Variants in RPS6KA2 observed in about 807,000 individuals in gnomAD.
RPS6KA2 encodes ribosomal protein S6 kinase A2, also known as ribosomal protein S6 kinase alpha-2.
Under a neutral mutation model 91.8 loss-of-function variants are expected in RPS6KA2, and 42 were observed. That is an observed-to-expected ratio of 0.46 (90% confidence interval 0.36 to 0.59). The LOEUF (loss-of-function observed/expected upper bound fraction) is 0.59. Ranked by LOEUF, RPS6KA2 falls within the 20% of genes least tolerant of loss-of-function variation. RPS6KA2 has a pLI of 0.00. For synonymous variants in RPS6KA2, 414 were observed against 393.6 expected, an observed-to-expected ratio of 1.05 and a Z score of -0.61; for missense variants, 798 against 978.5, an observed-to-expected ratio of 0.82 and a Z score of 2.46.
intron 20 of RPS6KA2, among the ~76,000 whole-genome samples, chr6:166,413,456 G>A (rs1778388440): frequency 6.6e-6 from 1 of 152,184 alleles, no homozygotes; most frequent in Admixed American, 6.5e-5. Flanking sequence ...CAGAGGATGG[G>A]GTGCCTGAGA....
chr6:166,550,810 G>A (rs1249448885), intron 1 of RPS6KA2, among the ~76,000 whole-genome samples: 5 of 151,976 alleles, frequency 3.3e-5, no homozygotes, highest in Non-Finnish European at 7.4e-5. Context: ...ACACCATCCT[G>A]GCTAACACGG....
intron 16 of RPS6KA2, among the ~76,000 whole-genome samples, chr6:166,428,862 G>A (rs1407860049): frequency 1.3e-5 from 2 of 150,638 alleles, no homozygotes; most frequent in Non-Finnish European, 1.5e-5. Context: ...TTCAACCATT[G>A]TGGAAGTCAG....
intron 1 of RPS6KA2, among the ~76,000 whole-genome samples, chr6:166,550,826 C>T (rs1045346218): frequency 1.3e-5 from 2 of 151,882 alleles, no homozygotes; most frequent in Non-Finnish European, 2.9e-5. Context: ...CACGGTGAAA[C>T]CCCGTCTCTA....
intron 2 of RPS6KA2, among the ~76,000 whole-genome samples, chr6:166,800,703 T>C (rs530566579): frequency 1.1e-4 from 16 of 152,278 alleles, no homozygotes; most frequent in Non-Finnish European, 2.4e-4. Context: ...AGTCACCTGG[T>C]CTAGGGTATT....
intron 10 of RPS6KA2, among the ~76,000 whole-genome samples, chr6:166,482,831 A>G (rs1275974059): frequency 6.6e-6 from 1 of 152,234 alleles, no homozygotes; most frequent in East Asian, 1.9e-4. Context: ...GGAGAGAGAC[A>G]TCACATCCTA....
chr6:166,561,301 C>A (rs1276169792), intron 1 of RPS6KA2, among the ~76,000 whole-genome samples: 2 of 152,076 alleles, frequency 1.3e-5, no homozygotes, highest in Admixed American at 1.3e-4. Context: ...GACCCTGTGC[C>A]CAGCTCAAGG....
chr6:166,532,091 C>A (rs1307157764), intron 2 of RPS6KA2, among the ~76,000 whole-genome samples: 1 of 152,218 alleles, frequency 6.6e-6, no homozygotes, highest in African/African-American at 2.4e-5. Context: ...GCACACGGTG[C>A]ACTGGTGTGG....
chr6:166,605,111 A>G (rs568386942), intron 1 of RPS6KA2, among the ~76,000 whole-genome samples: 5 of 152,148 alleles, frequency 3.3e-5, no homozygotes, highest in Admixed American at 6.5e-5. Context: ...ACTGCCTCCA[A>G]CCAGATTCTG....
chr6:166,534,271 AGT>A (rs1434550247), intron 2 of RPS6KA2, among the ~76,000 whole-genome samples: 1 of 146,962 alleles, frequency 6.8e-6, no homozygotes, highest in Non-Finnish European at 1.5e-5. Context: ...AAATTAGTTG[AGT>A]GTGGTGGTTG....
At chr6:166,691,293 G>C (rs914179700) in intron 2 of RPS6KA2, among the ~76,000 whole-genome samples, 4 of 152,026 alleles carry the variant, frequency 2.6e-5, no homozygotes, top group Non-Finnish European at 4.4e-5. Context: ...GCCAGGTTAG[G>C]CCCTCCTCAT....
At chr6:166,718,769 C>A (rs989460246) in intron 2 of RPS6KA2, among the ~76,000 whole-genome samples, 2 of 152,194 alleles carry the variant, frequency 1.3e-5, no homozygotes, top group Non-Finnish European at 2.9e-5. Flanking sequence ...ACTTTCAGAT[C>A]GGTTATGTCT....
At chr6:166,738,318 C>T (rs1254129587) in intron 2 of RPS6KA2, among the ~76,000 whole-genome samples, 2 of 152,174 alleles carry the variant, frequency 1.3e-5, no homozygotes, top group Non-Finnish European at 2.9e-5. Flanking sequence ...CAGTTGGTTA[C>T]CCAGTGGTCT....
At chr6:166,624,453 A>G (rs147320314) in intron 1 of RPS6KA2, among the ~76,000 whole-genome samples, 1 of 152,202 alleles carries the variant, frequency 6.6e-6, no homozygotes, top group Non-Finnish European at 1.5e-5. Flanking sequence ...TTCTTGGCCT[A>G]TAACCAGCTG....
At chr6:166,677,054 C>T (rs1158703450) in intron 2 of RPS6KA2, among the ~76,000 whole-genome samples, 1 of 152,166 alleles carries the variant, frequency 6.6e-6, no homozygotes, top group Non-Finnish European at 1.5e-5. Flanking sequence ...CCAGTATGCT[C>T]AATTCTACCA....
At chr6:166,629,596 T>A (rs1453531352), upstream of RPS6KA2, among the ~76,000 whole-genome samples, 1 of 152,166 alleles carries the variant, frequency 6.6e-6, no homozygotes, top group African/African-American at 2.4e-5. Flanking sequence ...CCACTAAATC[T>A]AGGGTAGGTA....
chr6:166,769,448 T>C (rs1048099519), intron 2 of RPS6KA2, among the ~76,000 whole-genome samples: 3 of 152,168 alleles, frequency 2.0e-5, no homozygotes, highest in African/African-American at 7.2e-5. Flanking sequence ...CCTTGTTTGC[T>C]GAGTTGATTT....
intron 2 of RPS6KA2, among the ~76,000 whole-genome samples, chr6:166,856,166 T>C (rs568100055): frequency 1.4e-4 from 21 of 152,320 alleles, no homozygotes; most frequent in Non-Finnish European, 2.8e-4. Flanking sequence ...GTCTAAATGT[T>C]TGTATTTCTC....
At chr6:166,534,516 C>T (rs954526969) in intron 2 of RPS6KA2, among the ~76,000 whole-genome samples, 6 of 152,116 alleles carry the variant, frequency 3.9e-5, no homozygotes, top group South Asian at 2.1e-4. Context: ...GAAGTACGAC[C>T]GTATAAACTC....
At position 166,771,220 on chromosome 6, in the gene RPS6KA2, C is replaced by T. The variant is rs566519739; in HGVS notation, c.123+86980G>A. ...CAACGGAAAGAAAGTCTCTTTCAAG[C>T]TCCATATGCACAGCATTTATCTTCC... On this transcript the variant is annotated intron_variant, in intron 2 of 21. Transcript: ENST00000503859. 3.9e-5 allele frequency among the ~76,000 whole-genome samples: 6 copies of T among 152,302 alleles called. No individual in the cohort carries two copies. The South Asian group carries it at 1.0e-3, about 26-fold the overall frequency.
Sources: allele counts gnomAD v4.1 joint callset (sites outside exome capture counted in the v4.1 genomes callset), GRCh38; gene constraint gnomAD v4.1.1; transcripts MANE v1.5; gene names NCBI Gene and HGNC (gene_info 2026-07-23, HGNC 2026-07-21).